The following FBXO11 variants were observed in gnomAD, a reference collection of about 807,000 sequenced individuals.
FBXO11 encodes F-box protein 11, also known as F-box only protein 11.
Under a neutral mutation model 117.0 loss-of-function variants are expected in FBXO11, and 13 were observed. That is an observed-to-expected ratio of 0.11 (90% CI 0.07 to 0.18). The LOEUF is 0.18. Ranked by LOEUF, FBXO11 falls within the 10% of genes least tolerant of loss-of-function variation. The pLI, the probability that FBXO11 is intolerant of heterozygous loss-of-function variation, is 1.00. For synonymous variants in FBXO11, 490 were observed against 380.5 expected, an observed-to-expected ratio of 1.29 and a Z score of -3.35; for missense variants, 767 against 1,164.4, an observed-to-expected ratio of 0.66 and a Z score of 4.97.
intron 1 of FBXO11, among the ~76,000 whole-genome samples, chr2:47,893,981 G>C (rs1453693981): frequency 6.6e-6 from 1 of 152,218 alleles, no homozygotes; most frequent in African/African-American, 2.4e-5. Flanking sequence ...ACATTGGACT[G>C]CTTAAGTGCT....
intron 11 of FBXO11, among the ~76,000 whole-genome samples, chr2:47,830,282 G>A (rs142999237): frequency 3.3e-5 from 5 of 152,144 alleles, no homozygotes; most frequent in South Asian, 2.1e-4. Context: ...CTACAGAATC[G>A]TGAGGGAAAG....
Position 47,833,081 on chromosome 2 carries a change from G to GAT in FBXO11, c.935-13_935-12dup. The GAT allele has an allele frequency of 2.5e-6, 4 of 1,571,724 alleles. No individual in the cohort carries two copies. Among genetic ancestry groups the GAT allele is most frequent in the Non-Finnish European group, 3.5e-6 (4 of 1,142,994 alleles). On this transcript the variant is annotated splice_polypyrimidine_tract_variant and intron_variant, in intron 7 of 22. Transcript: ENST00000403359. ...CCACTTTCCCAGGTGCTGTGGAGAA[G>GAT]ATATTTTAAAGAATATTACCTTTAT...
intron 1 of FBXO11, among the ~76,000 whole-genome samples, chr2:47,870,177 A>G (rs561367881): frequency 6.6e-6 from 1 of 152,308 alleles, no homozygotes; most frequent in Admixed American, 6.5e-5. Flanking sequence ...AATATAGCCT[A>G]TTGAGTTCTG....
chr2:47,870,355 T>C (rs1247630950), intron 1 of FBXO11, among the ~76,000 whole-genome samples: 1 of 152,214 alleles, frequency 6.6e-6, no homozygotes, highest in Non-Finnish European at 1.5e-5. Flanking sequence ...CCTCTTAAAA[T>C]GGTATTATGT....
intron 7 of FBXO11, 45 bp downstream of exon 7, chr2:47,834,534 A>G: frequency 7.0e-7 from 1 of 1,437,374 alleles, no homozygotes; most frequent in Non-Finnish European, 9.3e-7. Flanking sequence ...TATCACATAA[A>G]TGAGTAAAAT....
rs535607058 is a variant in FBXO11 at position 47,837,637 on chromosome 2, A to G, written c.587+1222T>C. Among the ~76,000 whole-genome samples, 5 of 152,358 alleles carry G rather than the reference A, an allele frequency of 3.3e-5. No individual in the cohort carries two copies. The South Asian group carries it at 1.0e-3, about 32-fold the overall frequency. ...GTGTAAAGAACTATAGTTTCAATATATTAACTATTAACAGTCTGCCATATT... is the reference window on the plus strand; with the variant it reads ...GTGTAAAGAACTATAGTTTCAATATGTTAACTATTAACAGTCTGCCATATT... On this transcript the variant is annotated intron_variant, in intron 4 of 22. Transcript: ENST00000403359.
At chr2:47,857,479 C>G (rs1256077567) in intron 1 of FBXO11, among the ~76,000 whole-genome samples, 1 of 152,080 alleles carries the variant, frequency 6.6e-6, no homozygotes. Flanking sequence ...GCAACCAGAT[C>G]ATGTGAGACA....
At chr2:47,857,889 G>A (rs566541053) in intron 1 of FBXO11, among the ~76,000 whole-genome samples, 3 of 152,144 alleles carry the variant, frequency 2.0e-5, no homozygotes, top group Admixed American at 1.3e-4. Flanking sequence ...TAAGGCAGAC[G>A]CAGCAGACTT....
At chr2:47,854,626 T>C (rs1428772079) in intron 1 of FBXO11, among the ~76,000 whole-genome samples, 1 of 152,094 alleles carries the variant, frequency 6.6e-6, no homozygotes, top group African/African-American at 2.4e-5. Context: ...TCAGCGGTTC[T>C]CAAAGCATAA....
chr2:47,811,941 AC>A (rs1330142774), intron 18 of FBXO11, among the ~76,000 whole-genome samples: 1 of 148,900 alleles, frequency 6.7e-6, no homozygotes, highest in Admixed American at 6.7e-5. Context: ...AACATGTCCC[AC>A]CCCCTGCCCC....
intron 12 of FBXO11, among the ~76,000 whole-genome samples, 183 bp from the exon 13 acceptor site, chr2:47,822,486 T>C (rs933162217): frequency 1.3e-5 from 2 of 152,234 alleles, no homozygotes; most frequent in East Asian, 1.9e-4. Context: ...AAAGAACATA[T>C]GTAGCATTCT....
intron 1 of FBXO11, among the ~76,000 whole-genome samples, chr2:47,886,546 T>C (rs1468034489): frequency 1.3e-5 from 2 of 151,626 alleles, no homozygotes; most frequent in African/African-American, 4.8e-5. Flanking sequence ...AATTGTGATA[T>C]AAACATGTAA....
chr2:47,813,151 G>T (rs372604478), intron 18 of FBXO11, 83 bp downstream of exon 18: 51 of 1,340,456 alleles, frequency 3.8e-5, no homozygotes, highest in African/African-American at 4.4e-5. Context: ...TTATAACTTA[G>T]TTAGCAATGT....
Position 47,808,095 on chromosome 2 carries a change from G to T in FBXO11, c.*23C>A. The T allele has an allele frequency of 1.3e-6, 2 of 1,586,514 alleles. No individual in the cohort carries two copies. Among genetic ancestry groups the T allele is most frequent in the African/African-American group, 1.3e-5 (1 of 74,076 alleles). On this transcript the variant is annotated 3_prime_UTR_variant, in exon 23 of 23. Transcript: ENST00000403359. The stretch of plus-strand genomic sequence containing the variant: ...TTAAGTTATGATGTTACAATGGCAG[G>T]ACTTTTTCTTTAGGGAAGGAATTCA...
chr2:47,862,481 GTCTTGCT>G (rs1674853058), intron 1 of FBXO11, among the ~76,000 whole-genome samples: 1 of 152,126 alleles, frequency 6.6e-6, no homozygotes, highest in Admixed American at 6.5e-5. Context: ...AAGAGATAAT[GTCTTGCT>G]ATGTTGCCCA....
rs1259197149 is a variant in FBXO11, at chr2:47,807,059, G to C, written c.*1059C>G. 2 of 582,486 alleles carry C rather than the reference G, an allele frequency of 3.4e-6. No individual in the cohort carries two copies. The highest frequency in any genetic ancestry group is 2.9e-5 in the East Asian group (1 of 34,610). 36.1% of individuals were successfully genotyped at this position (582,486 alleles called of 1,614,324 possible). A position where few individuals can be genotyped will look rare whatever the true frequency, so the allele number is the denominator to read the frequency against. On this transcript the variant is annotated 3_prime_UTR_variant, in exon 23 of 23. Coordinates refer to ENST00000403359, the MANE Select transcript of FBXO11 (RefSeq NM_001190274.2). Reference sequence around the variant, plus strand: ...ACAATATATTAAGTCTAGATGTTATGGTACATGCATACACTTTCAGGCTGT... The same window carrying C: ...ACAATATATTAAGTCTAGATGTTATCGTACATGCATACACTTTCAGGCTGT...
intron 1 of FBXO11, among the ~76,000 whole-genome samples, chr2:47,869,174 C>T (rs1366465852): frequency 1.3e-5 from 2 of 152,152 alleles, no homozygotes; most frequent in Non-Finnish European, 2.9e-5. Context: ...AGGAGTGACA[C>T]CACTTATTTA....
At chr2:47,853,930 AT>A (rs1439251317) in intron 1 of FBXO11, among the ~76,000 whole-genome samples, 1 of 152,248 alleles carries the variant, frequency 6.6e-6, no homozygotes, top group Non-Finnish European at 1.5e-5. Context: ...CATGACAGGT[AT>A]TTAGAATGGT....
At chr2:47,874,824 C>T (rs906938950) in intron 1 of FBXO11, among the ~76,000 whole-genome samples, 63 of 151,450 alleles carry the variant, frequency 4.2e-4, no homozygotes, top group South Asian at 8.3e-4. Context: ...CATGTGCCAC[C>T]ATGCCTGGCC....
Sources: allele counts gnomAD v4.1 joint callset (sites outside exome capture counted in the v4.1 genomes callset), GRCh38; gene constraint gnomAD v4.1.1; transcripts MANE v1.5; gene names NCBI Gene and HGNC (gene_info 2026-07-23, HGNC 2026-07-21).